CDH12: variants seen among roughly 807,000 people sequenced by gnomAD.
CDH12 encodes cadherin 12.
CDH12 carries 41 observed loss-of-function variants against 74.1 expected under a neutral mutation model. That is an observed-to-expected ratio of 0.55 (90% confidence interval 0.43 to 0.72). The LOEUF is 0.72. CDH12 is among the 30% of genes least tolerant of loss of function. The probability of loss-of-function intolerance (pLI) is 0.00; values close to 1 mark genes in which losing one functional copy is unlikely to be tolerated. For missense variants in CDH12, 945 were observed against 977.2 expected (o/e 0.97, Z 0.44); for synonymous variants, 399 against 355.0 (o/e 1.12, Z -1.39).
chr5:22,198,468 G>A (rs147832522), intron 4 of CDH12, among the ~76,000 whole-genome samples: 9,971 of 151,596 alleles, frequency 0.066, 443 homozygotes, highest in South Asian at 0.15. Flanking sequence ...TGTAGGAATC[G>A]TAACAAATGC....
intron 4 of CDH12, among the ~76,000 whole-genome samples, chr5:22,163,163 G>A (rs1043894111): frequency 1.3e-4 from 20 of 152,054 alleles, no homozygotes; most frequent in Non-Finnish European, 2.4e-4. Flanking sequence ...TTACAGGCGT[G>A]AGCCACCGCT....
intron 6 of CDH12, among the ~76,000 whole-genome samples, chr5:21,938,901 A>G (rs889487161): frequency 6.6e-6 from 1 of 150,786 alleles, no homozygotes; most frequent in African/African-American, 2.4e-5. Context: ...CCAATTGAAA[A>G]TGCATGGACA....
At chr5:22,836,693 A>T (rs1037856379) in intron 1 of CDH12, among the ~76,000 whole-genome samples, 1 of 152,190 alleles carries the variant, frequency 6.6e-6, no homozygotes, top group Non-Finnish European at 1.5e-5. Context: ...ATTCAAAAAA[A>T]AATTAAACAA....
chr5:22,091,392 A>G (rs1380933334), intron 4 of CDH12, among the ~76,000 whole-genome samples: 1 of 151,184 alleles, frequency 6.6e-6, no homozygotes, highest in South Asian at 2.1e-4. Context: ...ATACACTGAA[A>G]TGTCATTAAA....
chr5:21,923,907 A>G (rs1370186345), intron 6 of CDH12, among the ~76,000 whole-genome samples: 4 of 152,168 alleles, frequency 2.6e-5, no homozygotes, highest in Admixed American at 1.3e-4. Context: ...CATAGGGTAA[A>G]TTATTGGAAC....
chr5:22,680,742 CT>C (rs1259099828), intron 1 of CDH12, among the ~76,000 whole-genome samples: 1 of 151,728 alleles, frequency 6.6e-6, no homozygotes, highest in Non-Finnish European at 1.5e-5. Flanking sequence ...ATAATACGTA[CT>C]ACTAACTGTT....
intron 5 of CDH12, among the ~76,000 whole-genome samples, chr5:21,991,250 G>A (rs1757736636): frequency 6.6e-6 from 1 of 151,604 alleles, no homozygotes; most frequent in Non-Finnish European, 1.5e-5. Context: ...TGCTTTGAAA[G>A]ACATAAAATC....
chr5:22,575,427 C>CT lies in CDH12; in HGVS notation c.-522-70064dup, dbSNP rs1739735416. Among the ~76,000 whole-genome samples the CT allele has an allele frequency of 2.0e-5, 3 of 151,050 alleles. No homozygotes were observed. In the South Asian group the frequency reaches 6.2e-4, roughly 31 times the overall value. ...TTTTTTTTTGAGACAGGTTCTTACT[C>CT]TATCACCCAAGCTGGAGGGCAGTGG... On this transcript the variant is annotated intron_variant, in intron 1 of 14. Transcript: ENST00000382254.
At chr5:22,139,847 C>T (rs1746687664) in intron 4 of CDH12, among the ~76,000 whole-genome samples, 1 of 152,152 alleles carries the variant, frequency 6.6e-6, no homozygotes, top group African/African-American at 2.4e-5. Context: ...AGTTGAAAGC[C>T]TGTCTCAGTT....
At chr5:22,257,368 G>T (rs559959386) in intron 3 of CDH12, among the ~76,000 whole-genome samples, 2 of 151,610 alleles carry the variant, frequency 1.3e-5, no homozygotes, top group East Asian at 1.9e-4. Flanking sequence ...ATTAAAAATC[G>T]AGAAAAGCTT....
At chr5:21,780,975 A>AGGAT (rs1043559748) in intron 11 of CDH12, among the ~76,000 whole-genome samples, 1 of 152,164 alleles carries the variant, frequency 6.6e-6, no homozygotes, top group Non-Finnish European at 1.5e-5. Flanking sequence ...AAAGAGAATG[A>AGGAT]GGATGGGAGC....
At chr5:22,380,198 GT>G (rs1339554400) in intron 3 of CDH12, among the ~76,000 whole-genome samples, 1 of 152,160 alleles carries the variant, frequency 6.6e-6, no homozygotes, top group African/African-American at 2.4e-5. Flanking sequence ...AGACTTTTGA[GT>G]TAATAGACTT....
intron 4 of CDH12, among the ~76,000 whole-genome samples, chr5:22,146,941 G>C (rs1427243036): frequency 6.6e-6 from 1 of 151,426 alleles, no homozygotes; most frequent in African/African-American, 2.4e-5. Context: ...GATCAGCTTA[G>C]CCATTACCTT....
intron 2 of CDH12, among the ~76,000 whole-genome samples, chr5:22,447,569 T>A (rs1487997375): frequency 6.6e-6 from 1 of 152,092 alleles, no homozygotes; most frequent in Non-Finnish European, 1.5e-5. Flanking sequence ...AAATCACATG[T>A]GTATAAAGAA....
chr5:21,990,500 C>T (rs1270137063), intron 5 of CDH12, among the ~76,000 whole-genome samples: 1 of 151,782 alleles, frequency 6.6e-6, no homozygotes, highest in Admixed American at 6.6e-5. Context: ...TTGGAGAATA[C>T]TGTAGAGAAT....
chr5:22,219,875 TA>T (rs1751952267), intron 3 of CDH12, among the ~76,000 whole-genome samples: 1 of 151,740 alleles, frequency 6.6e-6, no homozygotes, highest in African/African-American at 2.4e-5. Flanking sequence ...AGTTAGTAGA[TA>T]CACACTAAGA....
rs372439375 is a variant in CDH12, at chr5:21,873,417, G to A, written c.527-18627C>T. Among the ~76,000 whole-genome samples, 29 of 152,122 alleles carry A rather than the reference G, an allele frequency of 1.9e-4. No individual in the cohort carries two copies. In the East Asian group the frequency reaches 5.4e-3, roughly 28 times the overall value. On this transcript the variant is annotated intron_variant, in intron 6 of 14. Coordinates refer to ENST00000382254, the MANE Select transcript of CDH12 (RefSeq NM_004061.5). ...TAGAAAATTCTCTTGTACCCCCTTC[G>A]GACACTGATGTGCAGATGCCTGGAA...
chr5:22,654,202 C>T (rs200798177), intron 1 of CDH12, among the ~76,000 whole-genome samples: 2 of 146,048 alleles, frequency 1.4e-5, no homozygotes, highest in South Asian at 2.2e-4. Flanking sequence ...TCTTTCTTTT[C>T]TTTCTTTCTT....
intron 6 of CDH12, among the ~76,000 whole-genome samples, chr5:21,932,079 A>G (rs1295714750): frequency 6.6e-6 from 1 of 152,224 alleles, no homozygotes; most frequent in African/African-American, 2.4e-5. Flanking sequence ...TTACAAAACA[A>G]CATTAGGATA....
Sources: allele counts gnomAD v4.1 joint callset (sites outside exome capture counted in the v4.1 genomes callset), GRCh38; gene constraint gnomAD v4.1.1; transcripts MANE v1.5; gene names NCBI Gene and HGNC (gene_info 2026-07-23, HGNC 2026-07-21).